Variants in SNX25 observed in about 807,000 individuals in gnomAD.
The protein encoded by SNX25 is sorting nexin 25, also known as sorting nexin-25.
In SNX25, 62 loss-of-function variants were observed where a neutral mutation model predicts 113.7. The ratio of observed to expected loss-of-function variants is 0.55; its 90% confidence interval spans 0.44 to 0.67. SNX25 has a LOEUF of 0.67. Among genes scored for constraint, SNX25 ranks in the 30% least tolerant of loss-of-function variants. The pLI is 0.00. For synonymous variants in SNX25, 421 were observed against 436.2 expected (o/e 0.97, Z 0.43); for missense variants, 1,014 against 1,161.0 (o/e 0.87, Z 1.84).
intron 4 of SNX25, among the ~76,000 whole-genome samples, chr4:185,265,699 A>G (rs192531559): frequency 1.3e-5 from 2 of 152,304 alleles, no homozygotes; most frequent in South Asian, 2.1e-4. Flanking sequence ...TAATTTTTTT[A>G]AACTTTTTGA....
Position 185,315,141 on chromosome 4 carries a change from G to T in SNX25, c.1344+4325G>T, listed in dbSNP as rs1462364721. Among the ~76,000 whole-genome samples, 8 of 148,444 alleles carry T rather than the reference G, an allele frequency of 5.4e-5. No homozygotes were observed. In the East Asian group the frequency reaches 1.1e-3, roughly 20 times the overall value. ...TACTCAGGAGGCTGAGGCAGGAGAAGGGCGTGAACCTGGGAGGCGGAGCTT... is the reference window on the plus strand; with the variant it reads ...TACTCAGGAGGCTGAGGCAGGAGAATGGCGTGAACCTGGGAGGCGGAGCTT... On this transcript the variant is annotated intron_variant, in intron 7 of 18. Transcript: ENST00000652585.
intron 6 of SNX25, among the ~76,000 whole-genome samples, chr4:185,302,826 T>A (rs1188690863): frequency 1.4e-4 from 22 of 152,218 alleles, no homozygotes; most frequent in Non-Finnish European, 5.9e-5. Flanking sequence ...GGTTCCTCCC[T>A]GCCCAGTCCT....
intron 6 of SNX25, among the ~76,000 whole-genome samples, chr4:185,300,840 GACACACACACAC>G (rs58762122): frequency 2.1e-5 from 3 of 140,684 alleles, no homozygotes; most frequent in Non-Finnish European, 3.1e-5. Context: ...TGATTATTAT[GACACACACACAC>G]ACACACACAC....
downstream of SNX25, among the ~76,000 whole-genome samples, chr4:185,373,518 C>T (rs539097704): frequency 6.6e-6 from 1 of 152,302 alleles, no homozygotes; most frequent in Non-Finnish European, 1.5e-5. Context: ...CCAGGATAAA[C>T]GCTGTATGTA....
intron 6 of SNX25, among the ~76,000 whole-genome samples, chr4:185,297,292 A>T (rs1752971674): frequency 6.6e-6 from 1 of 152,198 alleles, no homozygotes; most frequent in Non-Finnish European, 1.5e-5. Flanking sequence ...GCCATATTGG[A>T]TAGTGCATTA....
chr4:185,291,145 T>G (rs1752108210), intron 6 of SNX25, among the ~76,000 whole-genome samples: 1 of 149,628 alleles, frequency 6.7e-6, no homozygotes, highest in Non-Finnish European at 1.5e-5. Flanking sequence ...CCTGATCATT[T>G]AAAGGAGCTC....
chr4:185,356,536 C>T (rs984793447), intron 15 of SNX25, among the ~76,000 whole-genome samples: 6 of 152,144 alleles, frequency 3.9e-5, no homozygotes, highest in Non-Finnish European at 8.8e-5. Context: ...GATTCCGACT[C>T]CAAGACTTGA....
At chr4:185,352,438 C>G (rs748952564) in intron 14 of SNX25, among the ~76,000 whole-genome samples, 3 of 152,166 alleles carry the variant, frequency 2.0e-5, no homozygotes, top group Non-Finnish European at 2.9e-5. Context: ...ACAGAGCACA[C>G]CCACACCTGC....
intron 4 of SNX25, among the ~76,000 whole-genome samples, chr4:185,265,110 G>T (rs929732027): frequency 6.6e-6 from 1 of 152,064 alleles, no homozygotes; most frequent in African/African-American, 2.4e-5. Flanking sequence ...GAGATTACAG[G>T]TGTGAGCAAC....
At chr4:185,265,888 C>T (rs769395158) in intron 4 of SNX25, among the ~76,000 whole-genome samples, 1 of 152,086 alleles carries the variant, frequency 6.6e-6, no homozygotes, top group Non-Finnish European at 1.5e-5. Context: ...TATAGTCAGT[C>T]TGTTGTTGAC....
downstream of SNX25, among the ~76,000 whole-genome samples, chr4:185,367,566 C>T (rs1048364569): frequency 1.3e-5 from 2 of 152,074 alleles, no homozygotes; most frequent in African/African-American, 4.8e-5. Context: ...CATTTGGCCT[C>T]AAAGTTGTTA....
chr4:185,248,746 AT>A (rs1745206802), intron 2 of SNX25, among the ~76,000 whole-genome samples: 1 of 152,234 alleles, frequency 6.6e-6, no homozygotes, highest in Non-Finnish European at 1.5e-5. Context: ...CAATTCAGTA[AT>A]TTTCATAAAT....
intron 1 of SNX25, among the ~76,000 whole-genome samples, chr4:185,216,581 A>G (rs1043039938): frequency 2.9e-5 from 4 of 137,082 alleles, no homozygotes; most frequent in Admixed American, 8.5e-5. Context: ...GTGCAGTGGC[A>G]CAATCTCAGC....
chr4:185,262,227 C>T (rs1392646073), intron 3 of SNX25, among the ~76,000 whole-genome samples: 1 of 152,164 alleles, frequency 6.6e-6, no homozygotes, highest in Non-Finnish European at 1.5e-5. Context: ...TTCCGGTCAG[C>T]CTGTGTTTAT....
At chr4:185,236,187 GA>G (rs1235259581) in intron 1 of SNX25, among the ~76,000 whole-genome samples, 1 of 152,100 alleles carries the variant, frequency 6.6e-6, no homozygotes, top group Non-Finnish European at 1.5e-5. Flanking sequence ...ATTCTCTCCC[GA>G]AGTTTTGCAA....
intron 2 of SNX25, among the ~76,000 whole-genome samples, chr4:185,257,414 C>T (rs1273412103): frequency 6.6e-6 from 1 of 152,124 alleles, no homozygotes; most frequent in Non-Finnish European, 1.5e-5. Flanking sequence ...AACACGGTAA[C>T]CACTAGACAG....
the SNX25 span, among the ~76,000 whole-genome samples, chr4:185,375,906 C>G: frequency 1.6e-3 from 240 of 152,230 alleles, no homozygotes; most frequent in East Asian, 0.027. Flanking sequence ...CTCTGCCATC[C>G]TCAGAGTAAC....
downstream of SNX25, chr4:185,367,118 T>C: frequency 2.2e-6 from 3 of 1,371,452 alleles, no homozygotes; most frequent in Non-Finnish European, 3.1e-6. Flanking sequence ...ACATAGCTAC[T>C]GTAAAAATAC....
intron 6 of SNX25, among the ~76,000 whole-genome samples, chr4:185,310,244 T>C (rs1365736830): frequency 1.3e-5 from 2 of 152,202 alleles, no homozygotes; most frequent in African/African-American, 4.8e-5. Flanking sequence ...CAACAATTGG[T>C]CTTCAATCTC....
Sources: allele counts gnomAD v4.1 joint callset (sites outside exome capture counted in the v4.1 genomes callset), GRCh38; gene constraint gnomAD v4.1.1; transcripts MANE v1.5; gene names NCBI Gene and HGNC (gene_info 2026-07-23, HGNC 2026-07-21).